The following ANO3 variants were observed in gnomAD, a reference collection of about 807,000 sequenced individuals.
ANO3 encodes the protein anoctamin 3.
ANO3 carries 99 observed loss-of-function variants against 144.8 expected under a neutral mutation model. The observed-to-expected ratio is 0.68, with a 90% confidence interval of 0.58 to 0.81. ANO3 has a LOEUF of 0.81. Among genes scored for constraint, ANO3 ranks in the 30% least tolerant of loss-of-function variants. ANO3 has a pLI of 0.00. For synonymous variants in ANO3, 414 were observed against 392.6 expected, an observed-to-expected ratio of 1.05 and a Z score of -0.64; for missense variants, 905 against 1,202.2, an observed-to-expected ratio of 0.75 and a Z score of 3.66.
intron 1 of ANO3, among the ~76,000 whole-genome samples, chr11:26,333,434 A>T (rs1316662883): frequency 6.6e-6 from 1 of 151,916 alleles, no homozygotes; most frequent in African/African-American, 2.4e-5. Flanking sequence ...GGCGCCCGCC[A>T]CCAAGCCCAG....
chr11:26,204,653 G>A (rs1360283576), intron 1 of ANO3, among the ~76,000 whole-genome samples: 1 of 152,092 alleles, frequency 6.6e-6, no homozygotes, highest in East Asian at 1.9e-4. Flanking sequence ...TCCTGATGCT[G>A]CTCTTATTTG....
chr11:26,236,772 C>A lies in ANO3; in HGVS notation c.154+47442C>A, dbSNP rs1056588879. Among the ~76,000 whole-genome samples, 6 of 143,880 alleles carry A rather than the reference C, an allele frequency of 4.2e-5. No homozygotes were observed. The East Asian group carries it at 1.0e-3, about 25-fold the overall frequency. 94.4% of individuals were successfully genotyped at this position (143,880 alleles called of 152,430 possible). On this transcript the variant is annotated intron_variant, in intron 1 of 27. Coordinates refer to the ANO3 transcript ENST00000672621. ...GGCAGAGCTTGCAGTGAGCCCAGAT[C>A]GCGCCACTGCACTCCAGCCTGGGCG...
chr11:26,553,923 TG>T lies in ANO3; in HGVS notation c.1386+579del, dbSNP rs575033586. On this transcript the variant is annotated intron_variant, in intron 13 of 26. Coordinates refer to ENST00000256737, the MANE Select transcript of ANO3 (RefSeq NM_031418.4). ...TGAATTCTACATTATTATTTTCGTTTGTAAAACAGTTTTATAGAAGTGTAAT... is the reference window on the plus strand; with the variant it reads ...TGAATTCTACATTATTATTTTCGTTTTAAAACAGTTTTATAGAAGTGTAAT... 1.9e-3 allele frequency among the ~76,000 whole-genome samples: 291 copies of T among 152,300 alleles called. 2 individuals are homozygous for T. The highest frequency in any genetic ancestry group is 0.01 in the Middle Eastern group (3 of 294).
chr11:26,541,057 C>T (rs1342679164), intron 10 of ANO3, among the ~76,000 whole-genome samples: 4 of 152,068 alleles, frequency 2.6e-5, no homozygotes, highest in Non-Finnish European at 5.9e-5. Flanking sequence ...AAATGCCCAT[C>T]AATGATAGAC....
At chr11:26,619,248 C>A (rs971388351) in intron 17 of ANO3, among the ~76,000 whole-genome samples, 1 of 151,932 alleles carries the variant, frequency 6.6e-6, no homozygotes, top group Non-Finnish European at 1.5e-5. Flanking sequence ...CACTTATAAC[C>A]AAAGACTATA....
intron 14 of ANO3, among the ~76,000 whole-genome samples, chr11:26,564,249 T>C (rs1277756766): frequency 6.6e-6 from 1 of 151,654 alleles, no homozygotes; most frequent in Non-Finnish European, 1.5e-5. Context: ...TAGTTAAATG[T>C]ACATATACAA....
intron 4 of ANO3, among the ~76,000 whole-genome samples, chr11:26,503,707 G>T (rs564042185): frequency 1.3e-5 from 2 of 152,060 alleles, no homozygotes; most frequent in African/African-American, 4.8e-5. Context: ...GACAAAATTT[G>T]GGTATAATAG....
At chr11:26,378,977 A>AC (rs11420368) in intron 1 of ANO3, among the ~76,000 whole-genome samples, 1 of 151,492 alleles carries the variant, frequency 6.6e-6, no homozygotes, top group African/African-American at 2.4e-5. Context: ...CTCCAAAAAA[A>AC]AAAAGCCTCA....
chr11:26,231,857 A>C (rs966360021), intron 1 of ANO3, among the ~76,000 whole-genome samples: 5 of 152,202 alleles, frequency 3.3e-5, no homozygotes, highest in African/African-American at 1.2e-4. Flanking sequence ...GGAGTCAAAC[A>C]GTCCTTAGTT....
intron 6 of ANO3, among the ~76,000 whole-genome samples, chr11:26,519,813 T>C (rs536974840): frequency 2.6e-5 from 4 of 152,240 alleles, no homozygotes; most frequent in Non-Finnish European, 5.9e-5. Flanking sequence ...TTACCCCTAA[T>C]ATTTGACTTT....
upstream of ANO3, among the ~76,000 whole-genome samples, chr11:26,327,700 C>T (rs551567074): frequency 2.0e-5 from 3 of 152,254 alleles, no homozygotes; most frequent in African/African-American, 7.2e-5. Context: ...TTTTTAATAA[C>T]ATTATTGAAG....
chr11:26,512,231 GA>G (rs1056198014), intron 5 of ANO3, among the ~76,000 whole-genome samples: 4 of 152,170 alleles, frequency 2.6e-5, no homozygotes, highest in Non-Finnish European at 5.9e-5. Flanking sequence ...ACAATTTGCA[GA>G]GTGACTTTGT....
At chr11:26,405,076 G>A (rs1307772645) in intron 1 of ANO3, among the ~76,000 whole-genome samples, 1 of 151,232 alleles carries the variant, frequency 6.6e-6, no homozygotes, top group Non-Finnish European at 1.5e-5. Context: ...AATAGTGTTT[G>A]CCTCACAATA....
At chr11:26,554,488 T>C (rs950598746) in intron 13 of ANO3, among the ~76,000 whole-genome samples, 3 of 152,186 alleles carry the variant, frequency 2.0e-5, no homozygotes, top group Non-Finnish European at 4.4e-5. Flanking sequence ...ATGGTTAGCC[T>C]ATGAAAACCC....
intron 24 of ANO3, among the ~76,000 whole-genome samples, chr11:26,650,032 G>T (rs1590678317): frequency 6.6e-6 from 1 of 152,056 alleles, no homozygotes; most frequent in African/African-American, 2.4e-5. Flanking sequence ...TGTAGATAGC[G>T]CCTGCCTTTC....
chr11:26,609,672 A>G (rs903792731), intron 17 of ANO3, among the ~76,000 whole-genome samples: 4 of 151,636 alleles, frequency 2.6e-5, no homozygotes, highest in African/African-American at 9.7e-5. Flanking sequence ...CCATATCTTC[A>G]CTATTGTAAA....
intron 4 of ANO3, among the ~76,000 whole-genome samples, chr11:26,471,852 CCT>C (rs938430382): frequency 6.6e-6 from 1 of 151,858 alleles, no homozygotes; most frequent in Non-Finnish European, 1.5e-5. Flanking sequence ...TTTTCTCTCC[CCT>C]GACACTAATG....
chr11:26,334,406 C>G (rs1450944354), intron 1 of ANO3, among the ~76,000 whole-genome samples: 1 of 152,128 alleles, frequency 6.6e-6, no homozygotes, highest in Non-Finnish European at 1.5e-5. Context: ...GTGATCTGTC[C>G]TAGGAGGTAT....
In ANO3 at chr11:26,461,641, A is replaced by G. The variant is rs952283727; in HGVS notation, c.314-1389A>G. ...AGGGTTGTTTAATAAACAAAAGTTG[A>G]ATGAATACAATGTAACTTACCTAAA... On this transcript the variant is annotated intron_variant, in intron 3 of 26. Transcript: ENST00000256737. Among the ~76,000 whole-genome samples, 4 of 152,208 alleles carry G rather than the reference A, an allele frequency of 2.6e-5. No individual in the cohort carries two copies. The East Asian group carries it at 7.8e-4, about 30-fold the overall frequency.
Sources: gnomAD v4.1 joint callset for allele counts (sites outside exome capture counted in the v4.1 genomes callset) on GRCh38, gnomAD v4.1.1 for gene constraint, MANE v1.5 for transcripts, NCBI Gene and HGNC (gene_info 2026-07-23, HGNC 2026-07-21) for gene names.